ABCC3: variants seen among roughly 807,000 people sequenced by gnomAD.
ABCC3 encodes the protein ATP binding cassette subfamily C member 3.
A neutral mutation model predicts 165.3 loss-of-function variants in ABCC3; 121 were observed. The ratio of observed to expected loss-of-function variants is 0.73; its 90% CI spans 0.63 to 0.85. ABCC3 has a LOEUF of 0.85. Among genes scored for constraint, ABCC3 ranks in the 40% least tolerant of loss-of-function variants. The probability of loss-of-function intolerance (pLI) is 0.00; values close to 1 mark genes in which losing one functional copy is unlikely to be tolerated. For missense variants in ABCC3, 1,869 were observed against 1,964.1 expected (o/e 0.95, Z 0.92); for synonymous variants, 733 against 810.1 (o/e 0.90, Z 1.62).
intron 13 of ABCC3, 109 bp downstream of exon 13, chr17:50,668,118 G>T: frequency 1.0e-6 from 1 of 994,724 alleles, no homozygotes; most frequent in Admixed American, 2.1e-5. Context: ...TGGATTCAGG[G>T]AAGGTTGCTA....
chr17:50,669,372 C>T lies in ABCC3; in HGVS notation c.2085C>T (p.Pro695=). The change falls in exon 17 of 31, where the codon CCC becomes CCT. Residue 695 remains proline, a synonymous_variant. Transcript: ENST00000285238. ...VHMKGSVAYV[P]QQAWIQNCTL... Reference sequence around the variant, plus strand: ...GCCAGGGCTCCGTGGCCTATGTGCCCCAGCAGGCATGGATCCAGAACTGCA... The same window carrying T: ...GCCAGGGCTCCGTGGCCTATGTGCCTCAGCAGGCATGGATCCAGAACTGCA... 2 of 1,614,250 alleles carry T rather than the reference C, an allele frequency of 1.2e-6. No homozygotes were observed. The highest frequency in any genetic ancestry group is 1.7e-6 in the Non-Finnish European group (2 of 1,180,042).
Position 50,656,695 on chromosome 17 carries a change from T to C in ABCC3, c.223-7T>C. The C allele has an allele frequency of 6.2e-7, 1 of 1,609,432 alleles. No individual in the cohort carries two copies. The highest frequency in any genetic ancestry group is 1.1e-5 in the South Asian group (1 of 90,304). On this transcript the variant is annotated splice_region_variant and splice_polypyrimidine_tract_variant and intron_variant, in intron 2 of 30. Coordinates refer to ENST00000285238, the MANE Select transcript of ABCC3 (RefSeq NM_003786.4). ...GATGCGGATTCCAACCTGTGCTCTC[T>C]TCGCAGGTCCTGGGTGTCCTGCTGT...
intron 1 of ABCC3, among the ~76,000 whole-genome samples, chr17:50,653,344 C>CAAAAAAAAA (rs1298179994): frequency 2.1e-5 from 1 of 47,752 alleles, no homozygotes. Flanking sequence ...GAGACTGTCT[C>CAAAAAAAAA]AAAAAAAAAA....
At chr17:50,673,932 C>CTTTCTT (rs1967711856) in intron 19 of ABCC3, among the ~76,000 whole-genome samples, 1 of 14,952 alleles carries the variant, frequency 6.7e-5, no homozygotes, top group African/African-American at 3.2e-4. Flanking sequence ...TTCTTTCTTT[C>CTTTCTT]TTTCTTTCTT....
In ABCC3 at chr17:50,669,166, C is replaced by G. The variant is rs1351036576; in HGVS notation, c.1964C>G (p.Ala655Gly). The G allele has an allele frequency of 6.2e-7, 1 of 1,603,118 alleles. No individual in the cohort carries two copies. Among genetic ancestry groups the G allele is most frequent in the Non-Finnish European group, 8.5e-7 (1 of 1,177,032 alleles). The change falls in exon 16 of 31, where the codon GCA (alanine) becomes GGA (glycine). Residue 655 changes from alanine to glycine, a missense_variant. By Grantham distance (60) the Ala-to-Gly change is moderately conservative (BLOSUM62 0). Coordinates refer to ENST00000285238, the MANE Select transcript of ABCC3 (RefSeq NM_003786.4). Reference sequence around the variant, plus strand: ...CTAGACATCCAGGTCCCGAAAGGGGCACTGGTGGCCGTGGTGGGGCCTGTG... The same window carrying G: ...CTAGACATCCAGGTCCCGAAAGGGGGACTGGTGGCCGTGGTGGGGCCTGTG... ...HSLDIQVPKG[A>G]LVAVVGPVGC...
Position 50,663,995 on chromosome 17 carries a change from GA to G in ABCC3, c.1225del (p.Ile409LeufsTer40), listed in dbSNP as rs1352991630. 1 of 1,614,002 alleles carries G rather than the reference GA, an allele frequency of 6.2e-7. No individual in the cohort carries two copies. Among genetic ancestry groups the G allele is most frequent in the East Asian group, 2.2e-5 (1 of 44,888 alleles). ...AGTCAAACGTGCGTCCACTGTGGGG[GA>G]AATTGTCAACCTCATGTCAGTGGAT... The part of the protein sequence containing the change: ...NSVKRASTVG[E>X]IVNLMSVDAQ... On this transcript the variant is annotated frameshift_variant, in exon 10 of 31. Transcript: ENST00000285238. LOFTEE classifies it high-confidence loss of function.
intron 1 of ABCC3, among the ~76,000 whole-genome samples, chr17:50,639,918 C>T (rs1020252848): frequency 6.6e-6 from 1 of 152,108 alleles, no homozygotes; most frequent in Non-Finnish European, 1.5e-5. Flanking sequence ...TGCACACCAC[C>T]ATGCCCGGCT....
Position 50,652,700 on chromosome 17 carries a change from C to T in ABCC3, c.46-3132C>T, listed in dbSNP as rs180696612. Reference sequence around the variant, plus strand: ...AGTTAGCCACCGTCCCAGAAAGTGGCGTCTCAGACTCTGGAGTCCCAGACT... The same window carrying T: ...AGTTAGCCACCGTCCCAGAAAGTGGTGTCTCAGACTCTGGAGTCCCAGACT... On this transcript the variant is annotated intron_variant, in intron 1 of 30. Coordinates refer to ENST00000285238, the MANE Select transcript of ABCC3 (RefSeq NM_003786.4). Among the ~76,000 whole-genome samples, 37 of 152,302 alleles carry T rather than the reference C, an allele frequency of 2.4e-4. 1 individual carries two copies. The East Asian group carries it at 5.0e-3, about 21-fold the overall frequency.
At position 50,656,769 on chromosome 17, in the gene ABCC3, A is replaced by G. The variant is rs768138706; in HGVS notation, c.290A>G (p.His97Arg). Residue 97 changes from histidine (H) to arginine (R), a missense_variant, in exon 3 of 31, where the codon CAT becomes CGT. Physicochemically the swap from His to Arg is conservative, Grantham distance 29. Coordinates refer to ENST00000285238, the MANE Select transcript of ABCC3 (RefSeq NM_003786.4). The part of the protein sequence containing the change: ...DLFYSFHGLV[H>R]GRAPAPVFFV... Reference sequence around the variant, plus strand: ...TTTTACTCCTTCCATGGCCTGGTCCATGGCCGGGCCCCTGCCCCTGTTTTC... The same window carrying G: ...TTTTACTCCTTCCATGGCCTGGTCCGTGGCCGGGCCCCTGCCCCTGTTTTC... 1 of 1,613,892 alleles carries G rather than the reference A, an allele frequency of 6.2e-7. No homozygotes were observed. Among genetic ancestry groups the G allele is most frequent in the Non-Finnish European group, 8.5e-7 (1 of 1,179,990 alleles).
intron 26 of ABCC3, among the ~76,000 whole-genome samples, chr17:50,680,406 A>G (rs1396697897): frequency 6.6e-6 from 1 of 152,010 alleles, no homozygotes; most frequent in Non-Finnish European, 1.5e-5. Context: ...GGGGTTCCAG[A>G]CTTTTCTCCA....
chr17:50,668,380 T>G, intron 13 of ABCC3, 50 bp from the exon 14 acceptor site: 4 of 1,530,032 alleles, frequency 2.6e-6, no homozygotes, highest in Non-Finnish European at 3.6e-6. Flanking sequence ...GGGTAGGGGT[T>G]GGGGGTTGGG....
intron 1 of ABCC3, among the ~76,000 whole-genome samples, chr17:50,649,567 A>AGTGAGACT (rs1967071307): frequency 7.2e-6 from 1 of 139,200 alleles, no homozygotes; most frequent in Admixed American, 7.4e-5. Context: ...TGGGTGACAG[A>AGTGAGACT]GTGAGACTTT....
chr17:50,643,474 C>T (rs1240748461), intron 1 of ABCC3: 2 of 451,322 alleles, frequency 4.4e-6, no homozygotes, highest in Non-Finnish European at 8.9e-6. Context: ...ATGAAATGCC[C>T]CCAGGCAGCA....
chr17:50,657,023 G>T (rs1320232634), intron 3 of ABCC3, 23 bp from the exon 4 acceptor site: 1 of 1,609,122 alleles, frequency 6.2e-7, no homozygotes, highest in Admixed American at 1.7e-5. Context: ...TTCTGCCCGG[G>T]CCTCCCTGCC....
chr17:50,669,282 G>C lies in ABCC3; in HGVS notation c.2064+16G>C. On this transcript the variant is annotated intron_variant, in intron 16 of 30. Transcript: ENST00000285238. ...GCACATGAAGGTGAGAGAGGCAGGG[G>C]CTCCTGGGCAGGGTGTGGGGCTCAG... 6.2e-7 allele frequency: 1 copy of C among 1,614,056 alleles called. No individual in the cohort carries two copies. Among genetic ancestry groups the C allele is most frequent in the Non-Finnish European group, 8.5e-7 (1 of 1,179,998 alleles).
chr17:50,657,359 C>T (rs1255458288), intron 4 of ABCC3, among the ~76,000 whole-genome samples, 176 bp downstream of exon 4: 5 of 152,120 alleles, frequency 3.3e-5, no homozygotes, highest in Non-Finnish European at 7.4e-5. Context: ...GAGGGGGCAC[C>T]AGTGTAACAC....
intron 1 of ABCC3, chr17:50,635,428 A>G (rs780023274): frequency 2.9e-6 from 2 of 700,668 alleles, no homozygotes; most frequent in South Asian, 3.0e-5. Flanking sequence ...CCCCCAGGGC[A>G]TCCAGAGCAC....
In ABCC3 at chr17:50,665,192, G is replaced by T. The variant is rs751200868; in HGVS notation, c.1378G>T (p.Val460Phe). 6.8e-6 allele frequency: 11 copies of T among 1,614,040 alleles called. No homozygotes were observed. The highest frequency in any genetic ancestry group is 9.3e-6 in the Non-Finnish European group (11 of 1,180,040). ...PSVLAGVAFMVLLIPLNGAVA... is the reference protein window; with the variant it reads ...PSVLAGVAFMFLLIPLNGAVA... ...TGTCCTGGCTGGAGTCGCTTTCATG[G>T]TCTTGCTGATTCCACTCAACGGAGC... Residue 460 changes from valine (V) to phenylalanine (F), a missense_variant, in exon 11 of 31, where the codon GTC becomes TTC. Coordinates refer to ENST00000285238, the MANE Select transcript of ABCC3 (RefSeq NM_003786.4).
chr17:50,690,634 G>GCAGCAA (rs1386270297), intron 30 of ABCC3, among the ~76,000 whole-genome samples: 4 of 151,930 alleles, frequency 2.6e-5, no homozygotes, highest in Admixed American at 6.5e-5. Flanking sequence ...AGCAGCAGCA[G>GCAGCAA]CAGCCGCAGC....
Sources: gnomAD v4.1 joint callset for allele counts (sites outside exome capture counted in the v4.1 genomes callset) on GRCh38, gnomAD v4.1.1 for gene constraint, MANE v1.5 for transcripts, NCBI Gene and HGNC (gene_info 2026-07-23, HGNC 2026-07-21) for gene names.